The following AMMECR1 variants were observed in gnomAD, a reference collection of about 807,000 sequenced individuals.
The protein encoded by AMMECR1 is AMMECR nuclear protein 1.
Under a neutral mutation model 22.5 loss-of-function variants are expected in AMMECR1, and 3 were observed. That is an observed-to-expected ratio of 0.13 (90% confidence interval 0.06 to 0.35). The LOEUF is 0.35. Among genes scored for constraint, AMMECR1 ranks in the 10% least tolerant of loss-of-function variants. The pLI, the probability that AMMECR1 is intolerant of heterozygous loss-of-function variation, is 1.00. For synonymous variants in AMMECR1, 130 were observed against 116.7 expected (o/e 1.11, Z -0.74); for missense variants, 235 against 278.7 (o/e 0.84, Z 1.12).
intron 2 of AMMECR1, among the ~76,000 whole-genome samples, chrX:110,362,840 T>C (rs1024679075): frequency 8.9e-6 from 1 of 112,108 alleles, no homozygotes; most frequent in Non-Finnish European, 1.9e-5. Context: ...AAACATTCAC[T>C]ACGTATGTGG....
chrX:110,366,928 G>A (rs1052603083), intron 2 of AMMECR1, among the ~76,000 whole-genome samples: 3 of 110,884 alleles, frequency 2.7e-5, no homozygotes, highest in African/African-American at 6.6e-5. Flanking sequence ...TCAAACTTCC[G>A]ACACTTGTTT....
In AMMECR1 at chrX:110,317,905, A is replaced by G. The variant is rs2068059590; in HGVS notation, c.167T>C (p.Leu56Pro). ...GCTACCTCCTCCGGTTAGACCTCCC[A>G]GCCCGTTGAGCCGCGTACCGGCGCC... ...LGGAGTRLNG[L>P]GGLTGGGSGS... The change falls in exon 1 of 6, where the codon CTG becomes CCG. Residue 56 changes from leucine to proline, a missense_variant. Physicochemically the swap from Leu to Pro is moderately conservative, Grantham distance 98 (BLOSUM62 -3). Transcript: ENST00000262844. 1 of 1,195,384 alleles carries G rather than the reference A, an allele frequency of 8.4e-7. No individual in the cohort carries two copies. The highest frequency in any genetic ancestry group is 3.0e-5 in the East Asian group (1 of 32,982).
At chrX:110,381,682 T>C (rs974672220) in intron 2 of AMMECR1, among the ~76,000 whole-genome samples, 2 of 111,600 alleles carry the variant, frequency 1.8e-5, no homozygotes, top group Non-Finnish European at 3.8e-5. Context: ...TAGGTGCCCA[T>C]TGATAGTGGA....
At chrX:110,267,728 A>T (rs887956045) in intron 1 of AMMECR1, among the ~76,000 whole-genome samples, 3 of 112,133 alleles carry the variant, frequency 2.7e-5, no homozygotes, top group Non-Finnish European at 5.6e-5. Context: ...TAAGTGTTTT[A>T]CCTTCTACTT....
chrX:110,403,265 C>T (rs914224022), intron 2 of AMMECR1, among the ~76,000 whole-genome samples: 2 of 112,155 alleles, frequency 1.8e-5, no homozygotes, highest in Non-Finnish European at 1.9e-5. Context: ...AATTTGTGGG[C>T]ATATTCATAG....
At chrX:110,253,753 C>G (rs1054738146) in intron 2 of AMMECR1, among the ~76,000 whole-genome samples, 1 of 111,659 alleles carries the variant, frequency 9.0e-6, no homozygotes, top group Admixed American at 9.5e-5. Context: ...CATTTTCAGG[C>G]CTGCTGAAGT....
chrX:110,387,278 A>G (rs1327731878), intron 2 of AMMECR1, among the ~76,000 whole-genome samples: 1 of 112,507 alleles, frequency 8.9e-6, no homozygotes, highest in Non-Finnish European at 1.9e-5. Context: ...TCCAGAGGTT[A>G]CCAATTAACA....
rs756534967 is a variant in AMMECR1 at position 110,217,882 on chromosome X, C to A, written c.585-1250G>T. On this transcript the variant is annotated intron_variant, in intron 2 of 5. Transcript: ENST00000262844. The stretch of plus-strand genomic sequence containing the variant: ...ATCCACTGCGTTTTTATATTTGCAC[C>A]ACATTTTGGTGCTCATTTTATCCTG... Among the ~76,000 whole-genome samples, 9 of 110,733 alleles carry A rather than the reference C, an allele frequency of 8.1e-5. No individual in the cohort carries two copies. The East Asian group carries it at 2.5e-3, about 31-fold the overall frequency.
At chrX:110,356,137 C>T (rs2068229062) in intron 2 of AMMECR1, among the ~76,000 whole-genome samples, 1 of 104,737 alleles carries the variant, frequency 9.5e-6, no homozygotes, top group Admixed American at 1.0e-4. Context: ...TTCAGTGAGA[C>T]TGGAGGCATA....
At chrX:110,410,592 T>A (rs1181866262) in intron 2 of AMMECR1, among the ~76,000 whole-genome samples, 1 of 112,022 alleles carries the variant, frequency 8.9e-6, no homozygotes, top group African/African-American at 3.2e-5. Context: ...CCACTTTACT[T>A]TTCTTTTTCT....
At chrX:110,268,970 T>C (rs188659588) in intron 1 of AMMECR1, among the ~76,000 whole-genome samples, 140 of 112,271 alleles carry the variant, frequency 1.2e-3, no homozygotes, top group Non-Finnish European at 1.7e-3. Context: ...AAAATGTTTA[T>C]CTGAAGGCAA....
chrX:110,349,598 GTGT>G (rs2068203565), intron 2 of AMMECR1, among the ~76,000 whole-genome samples: 1 of 111,832 alleles, frequency 8.9e-6, no homozygotes, highest in African/African-American at 3.2e-5. Flanking sequence ...TCTTAAACCT[GTGT>G]TGTTATTACT....
chrX:110,359,626 C>T (rs992889702), intron 2 of AMMECR1, among the ~76,000 whole-genome samples: 1 of 111,457 alleles, frequency 9.0e-6, no homozygotes, highest in Non-Finnish European at 1.9e-5. Flanking sequence ...ACTATCTATT[C>T]ATTAATTAAT....
rs1037804751 is a variant in AMMECR1, at chrX:110,400,200, A to G, written c.-148+26458T>C. On this transcript the variant is annotated intron_variant, in intron 2 of 7. Coordinates refer to the AMMECR1 transcript ENST00000372057. ...TCTAAAATTGTTTCTGCAAAATAGT[A>G]TTATGTGCCACTGAGTAGATATCTT... Among the ~76,000 whole-genome samples, 4 of 105,899 alleles carry G rather than the reference A, an allele frequency of 3.8e-5. No homozygotes were observed. In the Admixed American group the frequency reaches 4.2e-4, roughly 11 times the overall value. 92.0% of individuals were successfully genotyped at this position (105,899 alleles called of 115,157 possible).
intron 2 of AMMECR1, among the ~76,000 whole-genome samples, chrX:110,374,247 T>G (rs1346784306): frequency 8.9e-6 from 1 of 112,034 alleles, no homozygotes; most frequent in Non-Finnish European, 1.9e-5. Context: ...ATGAAAATCT[T>G]GAAACCTACT....
intron 2 of AMMECR1, among the ~76,000 whole-genome samples, chrX:110,241,888 T>C (rs2067635190): frequency 8.9e-6 from 1 of 111,814 alleles, no homozygotes; most frequent in Non-Finnish European, 1.9e-5. Flanking sequence ...GAAATAAATA[T>C]CTAATGCAAA....
intron 1 of AMMECR1, among the ~76,000 whole-genome samples, chrX:110,311,868 T>G (rs1030060666): frequency 8.0e-5 from 9 of 112,265 alleles, no homozygotes; most frequent in African/African-American, 2.9e-4. Flanking sequence ...CAGTGTCCTG[T>G]GAGCAACTGC....
intron 1 of AMMECR1, among the ~76,000 whole-genome samples, chrX:110,301,473 G>C (rs2067966694): frequency 8.9e-6 from 1 of 112,312 alleles, no homozygotes; most frequent in African/African-American, 3.2e-5. Context: ...CACTGAGTCA[G>C]ATCAAATAAA....
chrX:110,418,422 G>C (rs1216688333), intron 2 of AMMECR1, among the ~76,000 whole-genome samples: 1 of 111,958 alleles, frequency 8.9e-6, no homozygotes, highest in East Asian at 2.8e-4. Context: ...TGTGCCGATG[G>C]CCCCCGTGTG....
Sources: allele counts gnomAD v4.1 joint callset (sites outside exome capture counted in the v4.1 genomes callset), GRCh38; gene constraint gnomAD v4.1.1; transcripts MANE v1.5; gene names NCBI Gene and HGNC (gene_info 2026-07-23, HGNC 2026-07-21).